DIPK1A: variants seen among roughly 807,000 people sequenced by gnomAD.
DIPK1A encodes family with sequence similarity 69 member A.
A neutral mutation model predicts 40.8 loss-of-function variants in DIPK1A; 27 were observed. The ratio of observed to expected loss-of-function variants is 0.66; its 90% CI spans 0.49 to 0.91. DIPK1A has a LOEUF of 0.91. Ranked by LOEUF, DIPK1A falls within the 40% of genes least tolerant of loss-of-function variation. The pLI, the probability that DIPK1A is intolerant of heterozygous loss-of-function variation, is 0.00. For missense variants in DIPK1A, 412 were observed against 505.7 expected, an observed-to-expected ratio of 0.81 and a Z score of 1.78; for synonymous variants, 166 against 171.3, an observed-to-expected ratio of 0.97 and a Z score of 0.24.
chr1:92,837,208 G>C (rs1401120217), downstream of DIPK1A: 2 of 652,908 alleles, frequency 3.1e-6, no homozygotes, highest in South Asian at 1.5e-5. Flanking sequence ...TAATTTTGTA[G>C]TGGTGGAAAG....
intron 1 of DIPK1A, among the ~76,000 whole-genome samples, chr1:92,941,670 G>A (rs1409038646): frequency 6.6e-6 from 1 of 152,134 alleles, no homozygotes; most frequent in Non-Finnish European, 1.5e-5. Flanking sequence ...AAGTGAGAAA[G>A]GATAACGACG....
intron 1 of DIPK1A, among the ~76,000 whole-genome samples, chr1:92,929,760 C>T (rs1650671300): frequency 6.6e-6 from 1 of 152,134 alleles, no homozygotes; most frequent in Admixed American, 6.6e-5. Flanking sequence ...TCACCAGCAG[C>T]TGAAATAATC....
intron 1 of DIPK1A, among the ~76,000 whole-genome samples, chr1:92,897,399 G>GC (rs1056484241): frequency 1.6e-4 from 24 of 151,822 alleles, no homozygotes; most frequent in Middle Eastern, 3.4e-3. Context: ...GCAAACTATC[G>GC]CAAGGACAAA....
chr1:92,838,244 T>C (rs1444124243), downstream of DIPK1A, among the ~76,000 whole-genome samples: 1 of 152,212 alleles, frequency 6.6e-6, no homozygotes, highest in Non-Finnish European at 1.5e-5. Flanking sequence ...TTGGACACAG[T>C]GTAAAGGCTG....
intron 1 of DIPK1A, among the ~76,000 whole-genome samples, chr1:92,907,749 T>A (rs1475892950): frequency 2.6e-5 from 4 of 152,184 alleles, no homozygotes; most frequent in African/African-American, 9.7e-5. Context: ...GCCTGTTCTG[T>A]ATCTTAATAG....
intron 2 of DIPK1A, among the ~76,000 whole-genome samples, chr1:92,856,194 G>C (rs1303980211): frequency 1.3e-5 from 2 of 151,994 alleles, no homozygotes; most frequent in East Asian, 3.8e-4. Flanking sequence ...TATTAGGAAA[G>C]AAAAGAGTAG....
intron 1 of DIPK1A, among the ~76,000 whole-genome samples, chr1:92,927,336 A>G (rs1414502416): frequency 1.3e-5 from 2 of 150,436 alleles, no homozygotes; most frequent in East Asian, 3.9e-4. Flanking sequence ...CTGGGACTAC[A>G]GGTGCATGCC....
At chr1:92,863,283 C>A (rs80214117) in intron 2 of DIPK1A, among the ~76,000 whole-genome samples, 2,833 of 152,264 alleles carry the variant, frequency 0.019, 112 homozygotes, top group African/African-American at 0.064. Flanking sequence ...GCTGGCTTGT[C>A]TTTTCTAAGT....
At chr1:92,936,926 C>T (rs1650967823) in intron 1 of DIPK1A, among the ~76,000 whole-genome samples, 1 of 152,110 alleles carries the variant, frequency 6.6e-6, no homozygotes, top group South Asian at 2.1e-4. Flanking sequence ...GATATAGATA[C>T]CCTTACATGC....
At chr1:92,939,598 C>T (rs1285533563) in intron 1 of DIPK1A, among the ~76,000 whole-genome samples, 2 of 152,130 alleles carry the variant, frequency 1.3e-5, no homozygotes. Flanking sequence ...CCCCTTCCAC[C>T]CAATGATACC....
intron 1 of DIPK1A, among the ~76,000 whole-genome samples, chr1:92,925,446 G>A (rs116335927): frequency 6.6e-6 from 1 of 152,232 alleles, no homozygotes; most frequent in Non-Finnish European, 1.5e-5. Context: ...ATCACAAAGT[G>A]AATTTCCTTG....
At chr1:92,895,281 C>T (rs1215844848) in intron 1 of DIPK1A, among the ~76,000 whole-genome samples, 1 of 152,054 alleles carries the variant, frequency 6.6e-6, no homozygotes, top group Non-Finnish European at 1.5e-5. Flanking sequence ...CTGAATCCAG[C>T]AGCACATCAA....
rs944094082 is a variant in DIPK1A, at chr1:92,925,682, T to TG, written c.54+35693dup. ...CTTATTTTTGTATTTTTAGTAGAGA[T>TG]GGGGGGTTTCACCATGTTGGCCAGG... On this transcript the variant is annotated intron_variant, in intron 1 of 4. Coordinates refer to ENST00000370310, the MANE Select transcript of DIPK1A (RefSeq NM_001006605.5). Among the ~76,000 whole-genome samples, 91 of 151,924 alleles carry TG rather than the reference T, an allele frequency of 6.0e-4. No individual in the cohort carries two copies. The Middle Eastern group carries it at 0.017, about 28-fold the overall frequency.
At position 92,961,434 on chromosome 1, in the gene DIPK1A, A is replaced by G; in HGVS notation, c.-5T>C. The G allele has an allele frequency of 6.6e-7, 1 of 1,505,274 alleles. No individual in the cohort carries two copies. The highest frequency in any genetic ancestry group is 8.9e-7 in the Non-Finnish European group (1 of 1,122,824). The allele number at this position is 1,505,274 out of a possible 1,614,324, so 93.2% of individuals were successfully genotyped here. A position where few individuals can be genotyped will look rare whatever the true frequency, so the allele number is the denominator to read the frequency against. On this transcript the variant is annotated 5_prime_UTR_variant, in exon 1 of 5. Coordinates refer to ENST00000370310, the MANE Select transcript of DIPK1A (RefSeq NM_001006605.5). Reference sequence around the variant, plus strand: ...CGGACAGAGACTCCTCGCCATGGTAATCACACATCGCCCCGCCGCGCTGCA... The same window carrying G: ...CGGACAGAGACTCCTCGCCATGGTAGTCACACATCGCCCCGCCGCGCTGCA...
intron 1 of DIPK1A, among the ~76,000 whole-genome samples, chr1:92,941,062 C>T (rs1226011372): frequency 6.6e-6 from 1 of 152,124 alleles, no homozygotes; most frequent in African/African-American, 2.4e-5. Flanking sequence ...CAGTCTGTAG[C>T]TTGTCTTTTC....
exon 5 of DIPK1A, chr1:92,833,018 A>T (rs1297756754): frequency 2.7e-6 from 2 of 742,018 alleles, no homozygotes; most frequent in East Asian, 4.9e-5. Context: ...AGTTTGGCAC[A>T]ATTACCGGTG....
chr1:92,932,024 T>G, intron 1 of DIPK1A: 2 of 542,736 alleles, frequency 3.7e-6, no homozygotes, highest in Admixed American at 2.3e-5. Context: ...AAAAGAAAAT[T>G]TGGGTTTGAA....
chr1:92,852,336 T>G lies in DIPK1A; in HGVS notation c.190-1381A>C, dbSNP rs371357457. On this transcript the variant is annotated intron_variant, in intron 2 of 4. Transcript: ENST00000370310. ...AAACATGGAGAAACCCCGCCTCTACTAAAAATACAAAATTAGCTGGGCGTG... is the reference window on the plus strand; with the variant it reads ...AAACATGGAGAAACCCCGCCTCTACGAAAAATACAAAATTAGCTGGGCGTG... Among the ~76,000 whole-genome samples, 124 of 152,172 alleles carry G rather than the reference T, an allele frequency of 8.1e-4. 4 individuals carry two copies. The East Asian group carries it at 0.019, about 23-fold the overall frequency.
chr1:92,934,008 G>A (rs904980209), intron 1 of DIPK1A: 6 of 152,206 alleles, frequency 3.9e-5, no homozygotes, highest in African/African-American at 1.2e-4. Context: ...CAGCAGTGAA[G>A]ATAAAGGGTG....
Sources: gnomAD v4.1 joint callset for allele counts (sites outside exome capture counted in the v4.1 genomes callset) on GRCh38, gnomAD v4.1.1 for gene constraint, MANE v1.5 for transcripts, NCBI Gene and HGNC (gene_info 2026-07-23, HGNC 2026-07-21) for gene names.